PGR: variants seen among roughly 807,000 people sequenced by gnomAD.
The protein encoded by PGR is progesterone receptor.
A neutral mutation model predicts 76.1 loss-of-function variants in PGR; 25 were observed. The ratio of observed to expected loss-of-function variants is 0.33; its 90% confidence interval spans 0.24 to 0.46. PGR has a LOEUF of 0.46. Ranked by LOEUF, PGR falls within the 20% of genes least tolerant of loss-of-function variation. The probability of loss-of-function intolerance (pLI) is 1.00; values close to 1 mark genes in which losing one functional copy is unlikely to be tolerated. For missense variants in PGR, 1,172 were observed against 1,225.3 expected (o/e 0.96, Z 0.65); for synonymous variants, 579 against 535.0 (o/e 1.08, Z -1.14).
At chr11:101,121,808 T>G (rs749960223) in intron 2 of PGR, among the ~76,000 whole-genome samples, 15 of 152,218 alleles carry the variant, frequency 9.9e-5, no homozygotes, top group Admixed American at 6.5e-5. Flanking sequence ...TGGCAGGTAC[T>G]CAATAAATAC....
At chr11:101,112,978 C>T (rs150956533) in intron 2 of PGR, among the ~76,000 whole-genome samples, 2 of 152,242 alleles carry the variant, frequency 1.3e-5, no homozygotes, top group African/African-American at 4.8e-5. Flanking sequence ...TCAATAAATG[C>T]CACTATTATG....
chr11:101,058,346 C>T (rs541595684), intron 4 of PGR, among the ~76,000 whole-genome samples: 3 of 152,196 alleles, frequency 2.0e-5, no homozygotes, highest in Non-Finnish European at 1.5e-5. Context: ...TCTCTCTCAT[C>T]ATTTTTTTCT....
chr11:101,109,487 A>G (rs59156518), intron 2 of PGR, among the ~76,000 whole-genome samples: 28 of 152,368 alleles, frequency 1.8e-4, no homozygotes, highest in African/African-American at 6.7e-4. Flanking sequence ...TGGATAGAGG[A>G]TCACGCCAGC....
Position 101,041,936 on chromosome 11 carries a change from A to G in PGR, c.2646+9T>C, listed in dbSNP as rs753782129. 30 of 1,609,698 alleles carry G rather than the reference A, an allele frequency of 1.9e-5. 1 individual carries two copies. In the East Asian group the frequency reaches 6.2e-4, roughly 34 times the overall value. On this transcript the variant is annotated intron_variant, in intron 7 of 7. Transcript: ENST00000325455. ...ATCATTGATATTCTGGAATCAACCAAATACTTACATCATGCAAGTTATCAA... is the reference window on the plus strand; with the variant it reads ...ATCATTGATATTCTGGAATCAACCAGATACTTACATCATGCAAGTTATCAA...
intron 2 of PGR, among the ~76,000 whole-genome samples, chr11:101,092,286 A>G (rs1861699301): frequency 6.6e-6 from 1 of 152,250 alleles, no homozygotes; most frequent in Non-Finnish European, 1.5e-5. Flanking sequence ...GAAAACAGAT[A>G]CAGACTAAAG....
chr11:101,118,420 CTA>C (rs1368610217), intron 2 of PGR, among the ~76,000 whole-genome samples: 1 of 152,148 alleles, frequency 6.6e-6, no homozygotes, highest in Non-Finnish European at 1.5e-5. Context: ...CATGTGTATT[CTA>C]TCTCATAAAT....
intron 3 of PGR, among the ~76,000 whole-genome samples, chr11:101,067,142 TG>T (rs1860749574): frequency 6.6e-6 from 1 of 152,166 alleles, no homozygotes; most frequent in Non-Finnish European, 1.5e-5. Flanking sequence ...GTTTCTGCCT[TG>T]GGGTCTTACA....
chr11:101,069,634 A>T (rs1010881578), intron 3 of PGR, among the ~76,000 whole-genome samples: 1 of 152,230 alleles, frequency 6.6e-6, no homozygotes, highest in Non-Finnish European at 1.5e-5. Context: ...GAGAGACTGG[A>T]TAAAGAAAAT....
At chr11:101,126,303 A>G in intron 1 of PGR, 145 bp from the exon 2 acceptor site, 1 of 754,230 alleles carries the variant, frequency 1.3e-6, no homozygotes, top group Non-Finnish European at 2.3e-6. Flanking sequence ...TGCAAACTAA[A>G]CTTGGTAATA....
chr11:101,119,589 T>C (rs1259996168), intron 2 of PGR, among the ~76,000 whole-genome samples: 3 of 152,142 alleles, frequency 2.0e-5, no homozygotes, highest in Admixed American at 6.5e-5. Flanking sequence ...AAATACTTGA[T>C]TGAGATCTAA....
At chr11:101,121,412 C>T (rs1167487690) in intron 2 of PGR, among the ~76,000 whole-genome samples, 1 of 152,190 alleles carries the variant, frequency 6.6e-6, no homozygotes, top group East Asian at 1.9e-4. Flanking sequence ...ATTGGATGTT[C>T]AATCTTTCTC....
intron 3 of PGR, among the ~76,000 whole-genome samples, chr11:101,074,292 A>C (rs567237432): frequency 6.6e-5 from 10 of 152,126 alleles, no homozygotes; most frequent in East Asian, 1.9e-4. Context: ...CATGCTAAAA[A>C]CTCTCAATAA....
chr11:101,052,929 A>G (rs1860148941), intron 4 of PGR, among the ~76,000 whole-genome samples: 1 of 152,190 alleles, frequency 6.6e-6, no homozygotes, highest in Non-Finnish European at 1.5e-5. Context: ...GGGAGAAAAT[A>G]GTTTTGGATA....
intron 2 of PGR, among the ~76,000 whole-genome samples, chr11:101,100,702 T>C: frequency 6.6e-6 from 1 of 151,920 alleles, no homozygotes; most frequent in Non-Finnish European, 1.5e-5. Context: ...AAACCAGTAA[T>C]TCTCAACTAG....
intron 2 of PGR, among the ~76,000 whole-genome samples, chr11:101,100,604 T>TA (rs1388532813): frequency 3.8e-5 from 4 of 105,122 alleles, no homozygotes; most frequent in Non-Finnish European, 8.8e-5. Flanking sequence ...GTATTTTGAA[T>TA]CCACACACAC....
At chr11:101,089,145 A>G (rs1370263745) in intron 3 of PGR, among the ~76,000 whole-genome samples, 1 of 152,206 alleles carries the variant, frequency 6.6e-6, no homozygotes, top group African/African-American at 2.4e-5. Flanking sequence ...TACCCAGGTA[A>G]CAAACCTGCA....
chr11:101,040,232 G>C (rs886329283), intron 7 of PGR, among the ~76,000 whole-genome samples: 9 of 151,976 alleles, frequency 5.9e-5, no homozygotes, highest in African/African-American at 2.2e-4. Flanking sequence ...CTCAATTACA[G>C]TCATACTTAG....
intron 2 of PGR, among the ~76,000 whole-genome samples, chr11:101,107,668 G>A (rs1384396891): frequency 6.6e-6 from 1 of 152,090 alleles, no homozygotes; most frequent in Non-Finnish European, 1.5e-5. Context: ...GATTATAACA[G>A]TTACATACAT....
chr11:101,128,691 C>T lies in PGR; in HGVS notation c.380G>A (p.Ser127Asn), dbSNP rs1862982605. 1.2e-6 allele frequency: 2 copies of T among 1,603,604 alleles called. No individual in the cohort carries two copies. Among genetic ancestry groups the T allele is most frequent in the South Asian group, 1.1e-5 (1 of 89,702 alleles). Residue 127 changes from serine to asparagine, a missense_variant, in exon 1 of 8, where the codon AGC becomes AAC. Ser to Asn is a conservative substitution (Grantham distance 46). Transcript: ENST00000325455. ...CTCGCAGGCGGGAGGGCTGGGTTGG[C>T]TCTGCCCGGGACCTGAGGGCGCCAA... ...TLLAPSGPGQSQPSPPACEVT... is the reference protein window; with the variant it reads ...TLLAPSGPGQNQPSPPACEVT...
Sources: gnomAD v4.1 joint callset for allele counts (sites outside exome capture counted in the v4.1 genomes callset) on GRCh38, gnomAD v4.1.1 for gene constraint, MANE v1.5 for transcripts, NCBI Gene and HGNC (gene_info 2026-07-23, HGNC 2026-07-21) for gene names.